The following SH3GL3 variants were observed in gnomAD, a reference collection of about 807,000 sequenced individuals.
SH3GL3 encodes the protein SH3 domain containing GRB2 like 3, endophilin A3, also known as endophilin-A3.
SH3GL3 carries 33 observed loss-of-function variants against 47.7 expected under a neutral mutation model. That is an observed-to-expected ratio of 0.69 (90% CI 0.52 to 0.92). SH3GL3 has a LOEUF of 0.92. Ranked by LOEUF, SH3GL3 falls within the 40% of genes least tolerant of loss-of-function variation. The pLI, the probability that SH3GL3 is intolerant of heterozygous loss-of-function variation, is 0.00. For synonymous variants in SH3GL3, 155 were observed against 148.8 expected (o/e 1.04, Z -0.30); for missense variants, 363 against 417.8 (o/e 0.87, Z 1.14).
intron 1 of SH3GL3, among the ~76,000 whole-genome samples, chr15:83,476,445 C>A (rs1248321588): frequency 6.6e-6 from 1 of 152,218 alleles, no homozygotes; most frequent in Non-Finnish European, 1.5e-5. Flanking sequence ...AGCCAGATGT[C>A]ACCTGTTTAC....
intron 3 of SH3GL3, 33 bp from the exon 4 acceptor site, chr15:83,568,496 C>A: frequency 6.3e-7 from 1 of 1,589,694 alleles, no homozygotes; most frequent in Non-Finnish European, 8.6e-7. Flanking sequence ...CACCTTGTAA[C>A]TTTAAAGAAT....
intron 6 of SH3GL3, among the ~76,000 whole-genome samples, chr15:83,577,059 C>T (rs892881973): frequency 1.3e-5 from 2 of 151,156 alleles, no homozygotes; most frequent in African/African-American, 4.9e-5. Flanking sequence ...TACAGCCACG[C>T]ACCACCACAC....
chr15:83,547,468 AATTCAAAAC>A (rs1487634647), intron 1 of SH3GL3, among the ~76,000 whole-genome samples: 1 of 152,200 alleles, frequency 6.6e-6, no homozygotes, highest in Middle Eastern at 3.2e-3. Context: ...TAGTGTCGGC[AATTCAAAAC>A]TATCATTCCT....
chr15:83,500,194 T>A (rs1051551354), intron 1 of SH3GL3, among the ~76,000 whole-genome samples: 14 of 152,190 alleles, frequency 9.2e-5, no homozygotes, highest in Non-Finnish European at 2.1e-4. Flanking sequence ...TTTTATGGGG[T>A]AACCACAGCT....
At chr15:83,505,127 T>C (rs937806312) in intron 1 of SH3GL3, among the ~76,000 whole-genome samples, 1 of 152,178 alleles carries the variant, frequency 6.6e-6, no homozygotes, top group African/African-American at 2.4e-5. Context: ...GTTCTCCTGT[T>C]CGTGGTCATC....
chr15:83,574,293 G>A (rs1567001305), intron 5 of SH3GL3, among the ~76,000 whole-genome samples: 1 of 152,030 alleles, frequency 6.6e-6, no homozygotes, highest in Non-Finnish European at 1.5e-5. Flanking sequence ...ATCCATTCAG[G>A]AGCTCCCTAA....
chr15:83,590,939 A>G (rs769286454), intron 8 of SH3GL3, among the ~76,000 whole-genome samples: 3 of 152,170 alleles, frequency 2.0e-5, no homozygotes, highest in Admixed American at 6.5e-5. Flanking sequence ...CAATGTATTC[A>G]TGTTTAGTTT....
intron 1 of SH3GL3, among the ~76,000 whole-genome samples, chr15:83,549,279 G>C (rs2044548337): frequency 6.6e-6 from 1 of 152,124 alleles, no homozygotes; most frequent in South Asian, 2.1e-4. Flanking sequence ...TCAGTATCCT[G>C]GTATGCCAAA....
intron 5 of SH3GL3, among the ~76,000 whole-genome samples, chr15:83,573,706 C>T (rs2059596013): frequency 6.6e-6 from 1 of 152,134 alleles, no homozygotes; most frequent in African/African-American, 2.4e-5. Flanking sequence ...GCTCCATATT[C>T]CAGGGGCCAG....
chr15:83,589,403 G>A (rs991663520), intron 8 of SH3GL3, among the ~76,000 whole-genome samples: 8 of 151,986 alleles, frequency 5.3e-5, no homozygotes, highest in African/African-American at 2.4e-5. Flanking sequence ...TTGAGACAAA[G>A]TCTTGCTCTG....
intron 8 of SH3GL3, among the ~76,000 whole-genome samples, chr15:83,603,918 T>C (rs937839465): frequency 2.0e-5 from 3 of 152,202 alleles, no homozygotes; most frequent in African/African-American, 7.2e-5. Context: ...GTGGATCACC[T>C]GAGTTCAGGA....
chr15:83,564,664 A>G (rs777909423), intron 2 of SH3GL3, among the ~76,000 whole-genome samples: 2 of 152,168 alleles, frequency 1.3e-5, no homozygotes, highest in Non-Finnish European at 2.9e-5. Flanking sequence ...TTATTGTATT[A>G]TAATATAATA....
intron 1 of SH3GL3, among the ~76,000 whole-genome samples, chr15:83,517,859 C>T (rs1296038754): frequency 6.6e-6 from 1 of 152,076 alleles, no homozygotes; most frequent in Non-Finnish European, 1.5e-5. Context: ...AGGTACTGAG[C>T]ATATTACTCA....
chr15:83,570,594 G>A (rs189440342), intron 4 of SH3GL3, among the ~76,000 whole-genome samples: 2 of 152,228 alleles, frequency 1.3e-5, no homozygotes, highest in African/African-American at 4.8e-5. Flanking sequence ...AATATATTAA[G>A]TATTCCCAAA....
intron 1 of SH3GL3, among the ~76,000 whole-genome samples, chr15:83,481,373 G>A (rs2041349501): frequency 6.6e-6 from 1 of 152,112 alleles, no homozygotes; most frequent in Non-Finnish European, 1.5e-5. Flanking sequence ...GATGGCTTTA[G>A]GAATCAGGAG....
At chr15:83,489,869 AG>A (rs144940392) in intron 1 of SH3GL3, among the ~76,000 whole-genome samples, 3 of 117,164 alleles carry the variant, frequency 2.6e-5, no homozygotes, top group African/African-American at 3.2e-5. Context: ...ATAGATAGAT[AG>A]ATAGATAGAT....
intron 8 of SH3GL3, chr15:83,609,430 C>T: frequency 2.4e-6 from 1 of 414,586 alleles, no homozygotes; most frequent in African/African-American, 2.1e-5. Context: ...ACACAGCAGT[C>T]TGGGGGATTT....
chr15:83,535,287 T>A (rs527958886), intron 1 of SH3GL3, among the ~76,000 whole-genome samples: 12 of 152,330 alleles, frequency 7.9e-5, no homozygotes, highest in South Asian at 6.2e-4. Flanking sequence ...TATGTCCTTT[T>A]AAAGGTGATT....
intron 1 of SH3GL3, among the ~76,000 whole-genome samples, chr15:83,506,037 T>A (rs2042485911): frequency 6.6e-6 from 1 of 152,220 alleles, no homozygotes; most frequent in Admixed American, 6.5e-5. Context: ...GAAATTATTT[T>A]ACTGTAATAG....
Sources: gnomAD v4.1 joint callset for allele counts (sites outside exome capture counted in the v4.1 genomes callset) on GRCh38, gnomAD v4.1.1 for gene constraint, MANE v1.5 for transcripts, NCBI Gene and HGNC (gene_info 2026-07-23, HGNC 2026-07-21) for gene names.